Variants in FREM2 observed in about 807,000 individuals in gnomAD.
FREM2 encodes FRAS1-related extracellular matrix protein 2.
Under a neutral mutation model 219.9 loss-of-function variants are expected in FREM2, and 119 were observed. That is an observed-to-expected ratio of 0.54 (90% confidence interval 0.47 to 0.63). The LOEUF (loss-of-function observed/expected upper bound fraction) is 0.63, where lower values mean the gene tolerates loss of function less well. Ranked by LOEUF, FREM2 falls within the 30% of genes least tolerant of loss-of-function variation. FREM2 has a pLI of 0.00. For synonymous variants in FREM2, 1,562 were observed against 1,522.8 expected (o/e 1.03, Z -0.60); for missense variants, 4,030 against 3,993.6 (o/e 1.01, Z -0.25).
Position 38,725,968 on chromosome 13 carries a change from G to A in FREM2, c.5263+28181G>A, listed in dbSNP as rs1053839915. ...AAATCTGAGCCTGTTTTAAAGTGGAGGTTTTATTATTCTTCAGGTATCTTG... is the reference window on the plus strand; with the variant it reads ...AAATCTGAGCCTGTTTTAAAGTGGAAGTTTTATTATTCTTCAGGTATCTTG... On this transcript the variant is annotated intron_variant, in intron 2 of 23. Transcript: ENST00000280481. Among the ~76,000 whole-genome samples, 5 of 152,270 alleles carry A rather than the reference G, an allele frequency of 3.3e-5. 1 individual carries two copies. In the Middle Eastern group the frequency reaches 0.014, roughly 414 times the overall value.
rs765801339 is a variant in FREM2, at chr13:38,689,806, A to G, written c.2462A>G (p.Tyr821Cys). The G allele has an allele frequency of 4.3e-6, 7 of 1,613,878 alleles. No individual in the cohort carries two copies. In the East Asian group the frequency reaches 1.1e-4, roughly 26 times the overall value. ...GNVAPGTFTLYLHPVDNQPPE... is the reference protein window; with the variant it reads ...GNVAPGTFTLCLHPVDNQPPE... ...GTGGCTCCAGGTACCTTTACCCTTT[A>G]CTTGCATCCCGTGGACAACCAGCCA... The change falls in exon 1 of 24, where the codon TAC (tyrosine) becomes TGC (cysteine). Residue 821 changes from tyrosine to cysteine, a missense_variant. Transcript: ENST00000280481.
chr13:38,746,361 A>G (rs1164808442), intron 2 of FREM2, among the ~76,000 whole-genome samples: 1 of 152,128 alleles, frequency 6.6e-6, no homozygotes, highest in African/African-American at 2.4e-5. Flanking sequence ...AGGTGTGTTG[A>G]GTGTAAAGTG....
chr13:38,689,730 G>C lies in FREM2; in HGVS notation c.2386G>C (p.Ala796Pro). 1 of 1,613,500 alleles carries C rather than the reference G, an allele frequency of 6.2e-7. No individual in the cohort carries two copies. The change falls in exon 1 of 24, where the codon GCT (alanine) becomes CCT (proline). Residue 796 changes from alanine to proline, a missense_variant. Ala to Pro is a conservative substitution (Grantham distance 27). This residue lies in a region of FREM2 where 3,102 missense variants were observed against 2,950.7 expected (regional missense o/e 1.05). Transcript: ENST00000280481. ...ACCCCCGGGTCAAGAACTGGGCGTG[G>C]CTACTCGAGTGGCCCAGTTCCAGTT... ...YRPPGQELGVATRVAQFQFQV... is the reference protein window; with the variant it reads ...YRPPGQELGVPTRVAQFQFQV...
In FREM2 at chr13:38,876,016, T is replaced by C. The variant is rs775663216; in HGVS notation, c.8282-6T>C. ...ATCATTATTATAATTACTGGCACTT[T>C]CCTAGCATCCTTTACAAGCTCAGTG... is the stretch of plus-strand genomic sequence containing the variant. On this transcript the variant is annotated splice_region_variant and splice_polypyrimidine_tract_variant and intron_variant, in intron 18 of 23. Coordinates refer to ENST00000280481, the MANE Select transcript of FREM2 (RefSeq NM_207361.6). 6.2e-7 allele frequency: 1 copy of C among 1,612,884 alleles called. No homozygotes were observed. Among genetic ancestry groups the C allele is most frequent in the South Asian group, 1.1e-5 (1 of 91,054 alleles).
intron 6 of FREM2, among the ~76,000 whole-genome samples, chr13:38,803,576 A>G (rs950158449): frequency 7.9e-5 from 12 of 151,986 alleles, no homozygotes; most frequent in African/African-American, 2.9e-4. Flanking sequence ...TTGTTTCACT[A>G]GGGTCAGTAT....
At position 38,750,640 on chromosome 13, in the gene FREM2, C is replaced by G. The variant is rs548436570; in HGVS notation, c.5264-13664C>G. ...TGATTTCCTTTCTTTTGGGTATATACCTAGCAGTGGGATAACTGGGTCATA... is the reference window on the plus strand; with the variant it reads ...TGATTTCCTTTCTTTTGGGTATATAGCTAGCAGTGGGATAACTGGGTCATA... On this transcript the variant is annotated intron_variant, in intron 2 of 23. Transcript: ENST00000280481. Among the ~76,000 whole-genome samples the G allele has an allele frequency of 2.0e-5, 3 of 152,170 alleles. 1 individual carries two copies. The East Asian group carries it at 5.8e-4, about 29-fold the overall frequency.
rs1187549141 is a variant in FREM2, at chr13:38,688,887, G to A, written c.1543G>A (p.Gly515Ser). 2.5e-6 allele frequency: 4 copies of A among 1,612,798 alleles called. No individual in the cohort carries two copies. The highest frequency in any genetic ancestry group is 2.2e-5 in the South Asian group (2 of 90,972). Residue 515 changes from glycine (G) to serine (S), a missense_variant, in exon 1 of 24, where the codon GGC becomes AGC. Gly to Ser is a moderately conservative substitution (Grantham distance 56). This residue lies in a region of FREM2 where 3,102 missense variants were observed against 2,950.7 expected (regional missense o/e 1.05). Coordinates refer to ENST00000280481, the MANE Select transcript of FREM2 (RefSeq NM_207361.6). ...CTTTACAGTGGCTGAGCTGGCAGCC[G>A]GCCAGGTGGTCTACCAGCATGATGA... The part of the protein sequence containing the change: ...KSFTVAELAA[G>S]QVVYQHDDRD...
intron 2 of FREM2, among the ~76,000 whole-genome samples, chr13:38,709,139 C>T (rs1386256117): frequency 6.6e-6 from 1 of 152,204 alleles, no homozygotes; most frequent in Non-Finnish European, 1.5e-5. Flanking sequence ...TGCAACCATG[C>T]TGCCTACTCA....
chr13:38,747,786 G>A (rs1872548671), intron 2 of FREM2, among the ~76,000 whole-genome samples: 1 of 152,126 alleles, frequency 6.6e-6, no homozygotes, highest in Non-Finnish European at 1.5e-5. Context: ...AAAAAGTGCA[G>A]ACTAGGAAAC....
At chr13:38,851,463 C>T (rs1877368088) in intron 10 of FREM2, among the ~76,000 whole-genome samples, 1 of 152,122 alleles carries the variant, frequency 6.6e-6, no homozygotes, top group South Asian at 2.1e-4. Context: ...AGAGAGCTGG[C>T]AGCACATGCT....
Position 38,692,502 on chromosome 13 carries a change from A to C in FREM2, c.5158A>C (p.Thr1720Pro), listed in dbSNP as rs769976320. ...LNLDKGNHSI[T>P]QFTQADIDDM... ...CCTGGACAAAGGCAACCACAGCATC[A>C]CTCAGTTCACACAAGGTATGTTTCA... is the stretch of plus-strand genomic sequence containing the variant. The change falls in exon 1 of 24, where the codon ACT becomes CCT. Residue 1720 changes from threonine (T) to proline (P), a missense_variant. Physicochemically the swap from Thr to Pro is conservative, Grantham distance 38. This residue lies in a region of FREM2 where 3,102 missense variants were observed against 2,950.7 expected (regional missense o/e 1.05). Transcript: ENST00000280481. The C allele has an allele frequency of 2.5e-6, 4 of 1,611,016 alleles. No individual in the cohort carries two copies. In the African/African-American group the frequency reaches 4.0e-5, roughly 16 times the overall value.
intron 2 of FREM2, among the ~76,000 whole-genome samples, chr13:38,758,487 C>T (rs1593389128): frequency 6.6e-6 from 1 of 152,276 alleles, no homozygotes; most frequent in Non-Finnish European, 1.5e-5. Flanking sequence ...CAGCATTTGC[C>T]AGGCTCTAGT....
chr13:38,786,405 A>T (rs181296469), intron 6 of FREM2, among the ~76,000 whole-genome samples: 1 of 152,226 alleles, frequency 6.6e-6, no homozygotes, highest in Admixed American at 6.5e-5. Context: ...CCCTATAAGT[A>T]TAAGCTGCTC....
At chr13:38,828,615 G>C (rs2137885736) in intron 6 of FREM2, among the ~76,000 whole-genome samples, 1 of 152,104 alleles carries the variant, frequency 6.6e-6, no homozygotes, top group Non-Finnish European at 1.5e-5. Flanking sequence ...GGAGGCTGAG[G>C]CAGGAGGATC....
intron 2 of FREM2, among the ~76,000 whole-genome samples, chr13:38,752,067 T>G (rs1462091769): frequency 1.3e-5 from 2 of 152,242 alleles, no homozygotes; most frequent in African/African-American, 4.8e-5. Context: ...GCAGCAAAGC[T>G]AGCTTCGCAA....
intron 2 of FREM2, among the ~76,000 whole-genome samples, chr13:38,718,361 C>T (rs1871093412): frequency 6.6e-6 from 1 of 152,190 alleles, no homozygotes; most frequent in Admixed American, 6.5e-5. Context: ...TGGACCCCAT[C>T]CATTTGCCTT....
At chr13:38,714,344 G>A (rs758587532) in intron 2 of FREM2, among the ~76,000 whole-genome samples, 9 of 152,172 alleles carry the variant, frequency 5.9e-5, no homozygotes, top group Non-Finnish European at 1.0e-4. Context: ...CAAAAGTATA[G>A]ACATCAAATA....
intron 16 of FREM2, among the ~76,000 whole-genome samples, chr13:38,865,139 T>C (rs140614302): frequency 1.3e-5 from 2 of 152,214 alleles, no homozygotes; most frequent in African/African-American, 4.8e-5. Flanking sequence ...TCTTCTTCGC[T>C]TTTTGATTCA....
At chr13:38,729,726 T>C (rs954308360) in intron 2 of FREM2, among the ~76,000 whole-genome samples, 2 of 152,238 alleles carry the variant, frequency 1.3e-5, no homozygotes, top group Non-Finnish European at 2.9e-5. Context: ...GGCTCCGTTA[T>C]ATCTAGACGT....
Sources: gnomAD v4.1 joint callset for allele counts (sites outside exome capture counted in the v4.1 genomes callset) on GRCh38, gnomAD v4.1.1 for gene constraint, gnomAD v4.1.1 regional missense constraint, MANE v1.5 for transcripts, NCBI Gene and HGNC (gene_info 2026-07-23, HGNC 2026-07-21) for gene names.